PLXNA4: variants seen among roughly 807,000 people sequenced by gnomAD.
PLXNA4 encodes plexin-A4.
In PLXNA4, 44 loss-of-function variants were observed where a neutral mutation model predicts 191.8. The observed-to-expected ratio is 0.23, with a 90% CI of 0.18 to 0.29. The LOEUF (loss-of-function observed/expected upper bound fraction) is 0.29. Ranked by LOEUF, PLXNA4 falls within the 10% of genes least tolerant of loss-of-function variation. The pLI is 1.00. For missense variants in PLXNA4, 1,800 were observed against 2,488.8 expected (o/e 0.72, Z 5.89); for synonymous variants, 1,082 against 1,009.5 (o/e 1.07, Z -1.36).
At chr7:132,390,520 C>A (rs1310870859) in intron 3 of PLXNA4, among the ~76,000 whole-genome samples, 1 of 152,024 alleles carries the variant, frequency 6.6e-6, no homozygotes, top group Non-Finnish European at 1.5e-5. Flanking sequence ...ACCTATGTAA[C>A]AAACCTGCAC....
At chr7:132,425,126 G>A (rs2117164583) in intron 3 of PLXNA4, among the ~76,000 whole-genome samples, 1 of 152,342 alleles carries the variant, frequency 6.6e-6, no homozygotes. Flanking sequence ...CAGGCGCCTA[G>A]CCTCTCTCCT....
At chr7:132,149,716 G>A (rs1246429580) in intron 25 of PLXNA4, among the ~76,000 whole-genome samples, 11 of 152,184 alleles carry the variant, frequency 7.2e-5, no homozygotes, top group Admixed American at 6.5e-4. Context: ...TGCTGGGCTC[G>A]TTCAGAGTGT....
chr7:132,469,433 CTGAT>C (rs1203616614), intron 3 of PLXNA4, among the ~76,000 whole-genome samples: 3 of 152,202 alleles, frequency 2.0e-5, no homozygotes, highest in Non-Finnish European at 2.9e-5. Context: ...CCAGCCCTGA[CTGAT>C]TGGAAGTCAT....
chr7:132,557,549 T>A (rs57574833), intron 1 of PLXNA4, among the ~76,000 whole-genome samples: 3,319 of 148,216 alleles, frequency 0.022, 50 homozygotes, highest in African/African-American at 0.043. Flanking sequence ...ATCTTTTTTT[T>A]AAAAAAAAAA....
chr7:132,354,086 T>A (rs1219426863), intron 3 of PLXNA4, among the ~76,000 whole-genome samples: 1 of 152,114 alleles, frequency 6.6e-6, no homozygotes, highest in Non-Finnish European at 1.5e-5. Flanking sequence ...CAAGGGGACA[T>A]CAAAGGAGCA....
At chr7:132,591,908 G>A (rs1009968937) in intron 2 of PLXNA4, among the ~76,000 whole-genome samples, 9 of 152,078 alleles carry the variant, frequency 5.9e-5, no homozygotes, top group Non-Finnish European at 1.0e-4. Flanking sequence ...AGCAGTTCCC[G>A]GGAGCTATTA....
intron 4 of PLXNA4, among the ~76,000 whole-genome samples, chr7:132,281,852 C>A (rs1216097172): frequency 6.6e-6 from 1 of 152,126 alleles, no homozygotes; most frequent in Non-Finnish European, 1.5e-5. Context: ...CTGTGTTGTA[C>A]AAAAAATTTC....
intron 24 of PLXNA4, among the ~76,000 whole-genome samples, chr7:132,160,467 G>T (rs1016522185): frequency 6.6e-6 from 1 of 152,032 alleles, no homozygotes; most frequent in East Asian, 1.9e-4. Context: ...AAAGAACAAG[G>T]CTTTTCTTCT....
chr7:132,554,539 A>C (rs1233873596), intron 1 of PLXNA4, among the ~76,000 whole-genome samples: 1 of 152,164 alleles, frequency 6.6e-6, no homozygotes, highest in Non-Finnish European at 1.5e-5. Context: ...GGAATAATGC[A>C]ATGTTTCCAG....
At chr7:132,132,387 G>GTTCTGTTCTA (rs1794956287) in intron 31 of PLXNA4, among the ~76,000 whole-genome samples, 1 of 41,524 alleles carries the variant, frequency 2.4e-5, no homozygotes, top group African/African-American at 1.1e-4. Context: ...TATTTGTTCT[G>GTTCTGTTCTA]TTCTGTTCTG....
chr7:132,161,291 C>T (rs1795941757), intron 24 of PLXNA4, among the ~76,000 whole-genome samples: 1 of 152,246 alleles, frequency 6.6e-6, no homozygotes, highest in South Asian at 2.1e-4. Context: ...AGCGTGGCCT[C>T]ATGAGAACAA....
At chr7:132,164,378 C>A in intron 23 of PLXNA4, 90 bp from the exon 24 acceptor site, 1 of 1,535,504 alleles carries the variant, frequency 6.5e-7, no homozygotes, top group Non-Finnish European at 8.8e-7. Flanking sequence ...TGCTTCCATC[C>A]CCTGCCAAGT....
intron 5 of PLXNA4, among the ~76,000 whole-genome samples, chr7:132,231,844 G>A (rs1390786905): frequency 6.6e-6 from 1 of 152,186 alleles, no homozygotes; most frequent in Non-Finnish European, 1.5e-5. Context: ...CCAGGAGGGA[G>A]AAAAGAGCGA....
intron 2 of PLXNA4, among the ~76,000 whole-genome samples, chr7:132,639,668 T>G (rs1333280544): frequency 6.6e-6 from 1 of 152,204 alleles, no homozygotes; most frequent in Non-Finnish European, 1.5e-5. Flanking sequence ...AAGGGGCCAT[T>G]CAGGGGGTCT....
At chr7:132,504,714 G>A (rs1798389520) in intron 2 of PLXNA4, among the ~76,000 whole-genome samples, 1 of 152,176 alleles carries the variant, frequency 6.6e-6, no homozygotes, top group Non-Finnish European at 1.5e-5. Flanking sequence ...AGGTCATCTG[G>A]GACTGAGTTC....
At chr7:132,167,789 T>A (rs1328532541) in intron 22 of PLXNA4, among the ~76,000 whole-genome samples, 2 of 152,230 alleles carry the variant, frequency 1.3e-5, no homozygotes, top group Non-Finnish European at 2.9e-5. Flanking sequence ...CCTCAAGAGA[T>A]CCTCCTGCCT....
intron 1 of PLXNA4, among the ~76,000 whole-genome samples, chr7:132,573,498 C>T (rs550048347): frequency 1.4e-4 from 22 of 152,294 alleles, no homozygotes; most frequent in African/African-American, 4.8e-4. Flanking sequence ...TCTCCCACTT[C>T]GGGACTGCTG....
intron 3 of PLXNA4, among the ~76,000 whole-genome samples, chr7:132,353,210 G>A (rs1803561550): frequency 6.6e-6 from 1 of 152,170 alleles, no homozygotes; most frequent in Non-Finnish European, 1.5e-5. Context: ...ATAACAGAAT[G>A]TCTGGTTGGC....
chr7:132,423,067 T>C (rs1255742790), intron 3 of PLXNA4, among the ~76,000 whole-genome samples: 7 of 152,162 alleles, frequency 4.6e-5, no homozygotes, highest in African/African-American at 1.4e-4. Flanking sequence ...TGGGGTGGCA[T>C]GGAATTCGTT....
Sources: allele counts gnomAD v4.1 joint callset (sites outside exome capture counted in the v4.1 genomes callset), GRCh38; gene constraint gnomAD v4.1.1; transcripts MANE v1.5; gene names NCBI Gene and HGNC (gene_info 2026-07-23, HGNC 2026-07-21).